Variants in ADORA2B observed in about 807,000 individuals in gnomAD.
ADORA2B encodes the protein adenosine receptor A2b.
Under a neutral mutation model 20.8 loss-of-function variants are expected in ADORA2B, and 18 were observed. The observed-to-expected ratio is 0.87, with a 90% CI of 0.60 to 1.29. The LOEUF is 1.29. Ranked by LOEUF, ADORA2B falls within the 50% of genes most tolerant of loss-of-function variation. The pLI is 0.00. For missense variants in ADORA2B, 441 were observed against 422.7 expected, an observed-to-expected ratio of 1.04 and a Z score of -0.38; for synonymous variants, 179 against 178.3, an observed-to-expected ratio of 1.00 and a Z score of -0.03.
the ADORA2B span, among the ~76,000 whole-genome samples, chr17:15,917,063 T>A: frequency 4.6e-5 from 7 of 152,150 alleles, no homozygotes; most frequent in Admixed American, 4.6e-4. Flanking sequence ...GCTTCCCAGC[T>A]CTTTGGGAGG....
chr17:15,919,174 A>G, the ADORA2B span, among the ~76,000 whole-genome samples: 336 of 152,318 alleles, frequency 2.2e-3, 1 homozygote, highest in Middle Eastern at 0.01. Flanking sequence ...GCTCCCTGCC[A>G]TCCTACAACC....
the ADORA2B span, among the ~76,000 whole-genome samples, chr17:15,863,295 T>TG: frequency 6.6e-6 from 1 of 152,150 alleles, no homozygotes; most frequent in Non-Finnish European, 1.5e-5. Flanking sequence ...GATAAAGCAA[T>TG]GGCAGGATAT....
chr17:15,954,270 C>G (rs1331000748), intron 1 of ADORA2B, among the ~76,000 whole-genome samples: 1 of 152,282 alleles, frequency 6.6e-6, no homozygotes, highest in Middle Eastern at 3.4e-3. Flanking sequence ...TGACCCACTG[C>G]GCCTGGCCAG....
the ADORA2B span, among the ~76,000 whole-genome samples, chr17:15,851,773 C>G: frequency 2.0e-5 from 3 of 152,168 alleles, no homozygotes; most frequent in South Asian, 6.2e-4. Context: ...GTCCTGAGAT[C>G]TTCCACACAT....
At chr17:15,872,136 A>G in the ADORA2B span, among the ~76,000 whole-genome samples, 1 of 152,082 alleles carries the variant, frequency 6.6e-6, no homozygotes, top group Non-Finnish European at 1.5e-5. Flanking sequence ...GGGAATAGAG[A>G]GTGGGGTGGC....
At chr17:15,859,875 G>A in the ADORA2B span, among the ~76,000 whole-genome samples, 1 of 152,172 alleles carries the variant, frequency 6.6e-6, no homozygotes, top group Admixed American at 6.5e-5. Flanking sequence ...AAAGAGCCTT[G>A]AAAGAATTAA....
chr17:15,885,772 A>G, the ADORA2B span, among the ~76,000 whole-genome samples: 1 of 152,200 alleles, frequency 6.6e-6, no homozygotes, highest in African/African-American at 2.4e-5. Context: ...AACAGTTTTC[A>G]TAACTGTTTA....
chr17:15,948,404 G>GTGGGGGGGGGGGC (rs1555586295), intron 1 of ADORA2B, among the ~76,000 whole-genome samples: 1 of 21,894 alleles, frequency 4.6e-5, no homozygotes, highest in African/African-American at 6.5e-5. Flanking sequence ...CTGGCGGCGG[G>GTGGGGGGGGGGGC]GGGCTCCAGT....
the ADORA2B span, among the ~76,000 whole-genome samples, chr17:15,862,181 T>G: frequency 6.7e-6 from 1 of 149,968 alleles, no homozygotes; most frequent in South Asian, 2.1e-4. Flanking sequence ...CCTTCTCCCT[T>G]TTTTTTTTCT....
At chr17:15,894,785 CT>C in the ADORA2B span, among the ~76,000 whole-genome samples, 2 of 152,138 alleles carry the variant, frequency 1.3e-5, no homozygotes, top group African/African-American at 4.8e-5. Context: ...TTTAAAAGCT[CT>C]GTTTTGATTA....
chr17:15,886,730 A>T, the ADORA2B span, among the ~76,000 whole-genome samples: 1 of 130,790 alleles, frequency 7.6e-6, no homozygotes, highest in Non-Finnish European at 1.6e-5. Context: ...AAATTCCAGG[A>T]AAGTGTTTGT....
the ADORA2B span, among the ~76,000 whole-genome samples, chr17:15,916,705 G>A: frequency 6.6e-6 from 1 of 152,168 alleles, no homozygotes; most frequent in Non-Finnish European, 1.5e-5. Flanking sequence ...GTCTGCCTGT[G>A]GATTTCATTT....
rs1280381333 is a variant in ADORA2B, at chr17:15,975,249, C to T, written c.906C>T (p.His302=). 2 of 1,613,788 alleles carry T rather than the reference C, an allele frequency of 1.2e-6. No homozygotes were observed. The highest frequency in any genetic ancestry group is 4.5e-5 in the East Asian group (2 of 44,880). The change falls in exon 2 of 2, where the codon CAC becomes CAT. Residue 302 remains histidine (H), a synonymous_variant. Coordinates refer to ENST00000304222, the MANE Select transcript of ADORA2B (RefSeq NM_000676.4). ...ACCGAGACTTCCGCTACACTTTTCA[C>T]AAAATTATCTCCAGGTATCTTCTCT... The part of the protein sequence containing the change: ...YRNRDFRYTF[H]KIISRYLLCQ...
the ADORA2B span, among the ~76,000 whole-genome samples, chr17:15,866,659 G>A: frequency 6.9e-6 from 1 of 145,958 alleles, no homozygotes; most frequent in Non-Finnish European, 1.5e-5. Flanking sequence ...CTTCCAGTGT[G>A]CCTTAAATTT....
At chr17:15,884,881 A>G in the ADORA2B span, among the ~76,000 whole-genome samples, 1 of 152,168 alleles carries the variant, frequency 6.6e-6, no homozygotes, top group Non-Finnish European at 1.5e-5. Context: ...CAGTGAACAT[A>G]TGCATGCCTG....
At chr17:15,884,942 G>C in the ADORA2B span, among the ~76,000 whole-genome samples, 1 of 152,306 alleles carries the variant, frequency 6.6e-6, no homozygotes, top group East Asian at 1.9e-4. Context: ...GCCCAGAAAT[G>C]AGATTGCTGG....
the ADORA2B span, among the ~76,000 whole-genome samples, chr17:15,937,082 T>C: frequency 6.6e-6 from 1 of 152,244 alleles, no homozygotes; most frequent in South Asian, 2.1e-4. Flanking sequence ...ATGTGGGCCA[T>C]ATTTTCCTTC....
chr17:15,945,421 T>C lies in ADORA2B; in HGVS notation c.173T>C (p.Leu58Pro). The change falls in exon 1 of 2, where the codon CTC becomes CCC. Residue 58 changes from leucine (L) to proline (P), a missense_variant. Leu to Pro is a moderately conservative substitution (Grantham distance 98, BLOSUM62 -3). Coordinates refer to ENST00000304222, the MANE Select transcript of ADORA2B (RefSeq NM_000676.4). ...SLAAADVAVG[L>P]FAIPFAITIS... ...GCTGCGGCCGACGTGGCCGTGGGGC[T>C]CTTCGCCATCCCCTTTGCCATCACC... is the stretch of plus-strand genomic sequence containing the variant. The C allele has an allele frequency of 6.2e-7, 1 of 1,613,660 alleles. No individual in the cohort carries two copies. The highest frequency in any genetic ancestry group is 8.5e-7 in the Non-Finnish European group (1 of 1,179,970).
chr17:15,880,462 A>G, the ADORA2B span, among the ~76,000 whole-genome samples: 1 of 141,764 alleles, frequency 7.1e-6, no homozygotes, highest in African/African-American at 2.7e-5. Context: ...TTTCTAGGGT[A>G]GAATGGAGGA....
Sources: gnomAD v4.1 joint callset for allele counts (sites outside exome capture counted in the v4.1 genomes callset) on GRCh38, gnomAD v4.1.1 for gene constraint, MANE v1.5 for transcripts, NCBI Gene and HGNC (gene_info 2026-07-23, HGNC 2026-07-21) for gene names.